The following F5 variants were observed in gnomAD, a reference collection of about 807,000 sequenced individuals.
The protein encoded by F5 is activated protein c cofactor.
F5 carries 138 observed loss-of-function variants against 216.4 expected under a neutral mutation model. The ratio of observed to expected loss-of-function variants is 0.64; its 90% CI spans 0.56 to 0.73. F5 has a LOEUF of 0.73. Among genes scored for constraint, F5 ranks in the 30% least tolerant of loss-of-function variants. The pLI, the probability that F5 is intolerant of heterozygous loss-of-function variation, is 0.00. For missense variants in F5, 2,403 were observed against 2,674.0 expected (o/e 0.90, Z 2.24); for synonymous variants, 916 against 930.7 (o/e 0.98, Z 0.29).
In F5 at chr1:169,542,670, C is replaced by A. The variant is rs1443734576; in HGVS notation, c.2420G>T (p.Gly807Val). 8 of 1,614,050 alleles carry A rather than the reference C, an allele frequency of 5.0e-6. No homozygotes were observed. Among genetic ancestry groups the A allele is most frequent in the Non-Finnish European group, 6.8e-6 (8 of 1,179,964 alleles). ...APSHQQATTA[G>V]SPLRHLIGKN... ...GCCAATGAGGTGTCTCAGTGGGGAA[C>A]CAGCTGTGGTGGCTTGTTGGTGAGA... The change falls in exon 13 of 25, where the codon GGT becomes GTT. Residue 807 changes from glycine (G) to valine (V), a missense_variant. Coordinates refer to ENST00000367797, the MANE Select transcript of F5 (RefSeq NM_000130.5).
chr1:169,537,252 A>T (rs1659723546), intron 13 of F5, among the ~76,000 whole-genome samples: 2 of 152,194 alleles, frequency 1.3e-5, no homozygotes, highest in Non-Finnish European at 2.9e-5. Context: ...AAAGCCATGT[A>T]ATGGGACAGT....
At chr1:169,525,817 G>T in intron 18 of F5, 84 bp downstream of exon 18, 2 of 982,050 alleles carry the variant, frequency 2.0e-6, no homozygotes, top group Non-Finnish European at 1.6e-6. Flanking sequence ...TCTTAGAGTT[G>T]AATATTTCCA....
chr1:169,529,654 A>G lies in F5; in HGVS notation c.5373T>C (p.Ser1791=), dbSNP rs1289850250. 3 of 1,613,758 alleles carry G rather than the reference A, an allele frequency of 1.9e-6. No individual in the cohort carries two copies. The highest frequency in any genetic ancestry group is 2.5e-6 in the Non-Finnish European group (3 of 1,179,842). ...TCATTTCTGAGGATGTGAGTCTCCA[A>G]GAACTTCGGGACTTCTTTTCATAGT... The part of the protein sequence containing the change: ...SWYYEKKSRS[S]WRLTSSEMKK... Residue 1791 remains serine (S), a synonymous_variant, in exon 16 of 25, where the codon TCT becomes TCC. Coordinates refer to ENST00000367797, the MANE Select transcript of F5 (RefSeq NM_000130.5).
At chr1:169,577,560 A>AAT (rs3035292) in intron 2 of F5, among the ~76,000 whole-genome samples, 1,569 of 54,244 alleles carry the variant, frequency 0.029, 42 homozygotes, top group Non-Finnish European at 0.043. Flanking sequence ...GGCTAATTTA[A>AAT]ATATATATAT....
intron 6 of F5, 105 bp from the exon 7 acceptor site, chr1:169,555,452 A>G: frequency 8.1e-7 from 1 of 1,231,294 alleles, no homozygotes; most frequent in Non-Finnish European, 1.2e-6. Flanking sequence ...TATTAATATA[A>G]TAAGAGTGAA....
chr1:169,529,951 C>A (rs546390874), intron 15 of F5, 133 bp from the exon 16 acceptor site: 2 of 716,496 alleles, frequency 2.8e-6, no homozygotes, highest in Non-Finnish European at 4.9e-6. Flanking sequence ...AAATGAATGG[C>A]ATAATAAGCC....
chr1:169,573,438 G>A (rs1660774309), intron 2 of F5, among the ~76,000 whole-genome samples: 1 of 152,176 alleles, frequency 6.6e-6, no homozygotes, highest in Admixed American at 6.6e-5. Flanking sequence ...GCAGTGTACT[G>A]GGCCAGCACA....
intron 12 of F5, 78 bp downstream of exon 12, chr1:169,544,218 C>T: frequency 1.7e-6 from 2 of 1,206,182 alleles, no homozygotes; most frequent in Non-Finnish European, 2.4e-6. Context: ...CACTGGTAGC[C>T]TGGAGAGTTG....
chr1:169,557,537 G>A (rs1399207940), intron 5 of F5, among the ~76,000 whole-genome samples: 1 of 152,094 alleles, frequency 6.6e-6, no homozygotes, highest in East Asian at 1.9e-4. Flanking sequence ...GAGCCATTGG[G>A]AGCTTTTCAT....
chr1:169,580,414 C>T (rs1424650911), intron 2 of F5, among the ~76,000 whole-genome samples: 3 of 149,242 alleles, frequency 2.0e-5, no homozygotes, highest in South Asian at 2.1e-4. Context: ...GATAGAGTTT[C>T]GCTCTGTCAC....
rs192253150 is a variant in F5 at position 169,551,392 on chromosome 1, G to A, written c.1297-653C>T. 3.1e-3 allele frequency among the ~76,000 whole-genome samples: 475 copies of A among 152,362 alleles called. 1 individual carries two copies. The highest frequency in any genetic ancestry group is 0.017 in the South Asian group (83 of 4,828). ...CTGAGCCCAGGAAGTGGAGGTTGCA[G>A]TGAGCCATGATCACACCACTGCACT... is the stretch of plus-strand genomic sequence containing the variant. On this transcript the variant is annotated intron_variant, in intron 8 of 24. Coordinates refer to ENST00000367797, the MANE Select transcript of F5 (RefSeq NM_000130.5).
intron 10 of F5, among the ~76,000 whole-genome samples, chr1:169,547,137 G>A (rs1190473808): frequency 6.6e-6 from 1 of 152,152 alleles, no homozygotes; most frequent in Non-Finnish European, 1.5e-5. Context: ...CTGCACTCCA[G>A]CCTGGGCAAC....
intron 3 of F5, among the ~76,000 whole-genome samples, chr1:169,571,814 A>G (rs1374401810): frequency 6.6e-6 from 1 of 152,192 alleles, no homozygotes; most frequent in Non-Finnish European, 1.5e-5. Context: ...TTGTACTAAA[A>G]GGCAGAGTTG....
At chr1:169,522,687 A>G (rs1659338026) in intron 21 of F5, among the ~76,000 whole-genome samples, 1 of 152,202 alleles carries the variant, frequency 6.6e-6, no homozygotes, top group Non-Finnish European at 1.5e-5. Context: ...CTTATGGCTG[A>G]GCCCCTGGAA....
At chr1:169,561,070 T>C (rs9332562) in intron 3 of F5, among the ~76,000 whole-genome samples, 8,697 of 152,222 alleles carry the variant, frequency 0.057, 345 homozygotes, top group Middle Eastern at 0.12. Context: ...TGAATCGCCT[T>C]TGATTAGTAA....
At chr1:169,554,063 G>A (rs1375370267) in intron 7 of F5, among the ~76,000 whole-genome samples, 1 of 144,896 alleles carries the variant, frequency 6.9e-6, no homozygotes, top group Non-Finnish European at 1.5e-5. Context: ...AATTTTTTTT[G>A]TTCTTTTTCC....
chr1:169,517,824 CA>C (rs755100090), intron 23 of F5, among the ~76,000 whole-genome samples: 1 of 151,558 alleles, frequency 6.6e-6, no homozygotes, highest in Non-Finnish European at 1.5e-5. Context: ...GGGAAGAGAA[CA>C]AAAAAGTTTA....
At chr1:169,565,157 C>T (rs1042620629) in intron 3 of F5, among the ~76,000 whole-genome samples, 7 of 152,176 alleles carry the variant, frequency 4.6e-5, no homozygotes, top group Non-Finnish European at 1.0e-4. Context: ...AATATGTGCT[C>T]ATCATTCAGA....
chr1:169,557,635 T>C (rs796440059), intron 5 of F5, among the ~76,000 whole-genome samples: 121 of 152,114 alleles, frequency 8.0e-4, no homozygotes, highest in African/African-American at 2.9e-3. Context: ...ATTTGCTCTG[T>C]GGGGAGACTC....
Sources: allele counts gnomAD v4.1 joint callset (sites outside exome capture counted in the v4.1 genomes callset), GRCh38; gene constraint gnomAD v4.1.1; transcripts MANE v1.5; gene names NCBI Gene and HGNC (gene_info 2026-07-23, HGNC 2026-07-21).